Variants in ADAM28 observed in about 807,000 individuals in gnomAD.
The protein encoded by ADAM28 is ADAM metallopeptidase domain 28.
A neutral mutation model predicts 101.2 loss-of-function variants in ADAM28; 105 were observed. The observed-to-expected ratio is 1.04, with a 90% confidence interval of 0.89 to 1.22. ADAM28 has a LOEUF of 1.22. ADAM28 is among the 50% of genes most tolerant of loss of function. The pLI is 0.00. For missense variants in ADAM28, 1,028 were observed against 945.4 expected, an observed-to-expected ratio of 1.09 and a Z score of -1.15; for synonymous variants, 322 against 310.6, an observed-to-expected ratio of 1.04 and a Z score of -0.39.
Position 24,349,889 on chromosome 8 carries a change from G to T in ADAM28, c.2016G>T (p.Leu672=). 1.9e-6 allele frequency: 3 copies of T among 1,613,686 alleles called. No homozygotes were observed. The highest frequency in any genetic ancestry group is 2.5e-6 in the Non-Finnish European group (3 of 1,179,730). Residue 672 remains leucine (L), a synonymous_variant, in exon 19 of 23, where the codon CTG becomes CTT. Coordinates refer to ENST00000265769, the MANE Select transcript of ADAM28 (RefSeq NM_014265.6). ...VFHFSIVVGV[L]FPMAVIFVVV... ...ACTTCTCCATTGTGGTTGGGGTGCT[G>T]TTCCCAATGGCGGTCATTTTTGTGG...
rs1460085059 is a variant in ADAM28 at position 24,350,107 on chromosome 8, T to C, written c.2099+135T>C. 7.1e-6 allele frequency: 5 copies of C among 700,272 alleles called. No homozygotes were observed. The African/African-American group carries it at 9.0e-5, about 13-fold the overall frequency. 43.4% of individuals were successfully genotyped at this position (700,272 alleles called of 1,614,324 possible). A position where few individuals can be genotyped will look rare whatever the true frequency, so the allele number is the denominator to read the frequency against. ...TTCAGAAATACATGCAGATGGTCTT[T>C]TTGGACGAGAAACTGGGTTTCCCTT... On this transcript the variant is annotated intron_variant, in intron 19 of 22. Coordinates refer to ENST00000265769, the MANE Select transcript of ADAM28 (RefSeq NM_014265.6).
chr8:24,300,150 A>T, intron 2 of ADAM28, 73 bp downstream of exon 2: 1 of 1,224,684 alleles, frequency 8.2e-7, no homozygotes, highest in Non-Finnish European at 1.2e-6. Context: ...TCTATCTATG[A>T]TGAGAGATAG....
intron 10 of ADAM28, among the ~76,000 whole-genome samples, chr8:24,328,899 C>T (rs1367662384): frequency 6.7e-6 from 1 of 148,534 alleles, no homozygotes; most frequent in East Asian, 2.0e-4. Context: ...CCAGTTTGGG[C>T]AACAAGAGTG....
At chr8:24,337,044 T>A (rs1814181012) in intron 14 of ADAM28, among the ~76,000 whole-genome samples, 1 of 152,166 alleles carries the variant, frequency 6.6e-6, no homozygotes, top group Admixed American at 6.5e-5. Context: ...TAACTTGCAA[T>A]GCACTGTGAA....
rs1393674436 is a variant in ADAM28 at position 24,334,712 on chromosome 8, A to G, written c.1372-734A>G. On this transcript the variant is annotated intron_variant, in intron 13 of 22. Coordinates refer to ENST00000265769, the MANE Select transcript of ADAM28 (RefSeq NM_014265.6). ...CACTGGTATTAAGATATTTAAAGTT[A>G]TTTGACGCATTGAAAACATACCTGC... 2.6e-5 allele frequency among the ~76,000 whole-genome samples: 4 copies of G among 152,318 alleles called. No individual in the cohort carries two copies. The East Asian group carries it at 7.7e-4, about 29-fold the overall frequency.
chr8:24,340,292 G>A (rs892101089), intron 15 of ADAM28, among the ~76,000 whole-genome samples: 1 of 152,136 alleles, frequency 6.6e-6, no homozygotes, highest in Non-Finnish European at 1.5e-5. Flanking sequence ...TATTGGACAC[G>A]AATTTCTCTG....
intron 8 of ADAM28, 24 bp downstream of exon 8, chr8:24,321,313 A>C (rs1286526655): frequency 3.3e-6 from 5 of 1,526,396 alleles, no homozygotes; most frequent in Non-Finnish European, 9.1e-7. Context: ...TATTACCTGC[A>C]GTTTTAAACA....
intron 1 of ADAM28, 75 bp from the exon 2 acceptor site, chr8:24,299,899 C>A: frequency 9.8e-7 from 1 of 1,024,968 alleles, no homozygotes; most frequent in Non-Finnish European, 1.5e-6. Flanking sequence ...ATTGGGAATG[C>A]AGTAAGGATG....
chr8:24,353,646 T>G (rs1816429705), intron 21 of ADAM28, 124 bp from the exon 22 acceptor site: 1 of 717,966 alleles, frequency 1.4e-6, no homozygotes, highest in African/African-American at 1.8e-5. Flanking sequence ...ACCTTGAAAG[T>G]TGGGTAGAAT....
rs1481142581 is a variant in ADAM28, at chr8:24,354,631, TAAGAAGGAAGATGA to T, written c.*228_*241del. 2.5e-6 allele frequency: 1 copy of T among 407,710 alleles called. No individual in the cohort carries two copies. Among genetic ancestry groups the T allele is most frequent in the East Asian group, 4.4e-5 (1 of 22,934 alleles). The allele number at this position is 407,710 out of a possible 1,614,324, so 25.3% of individuals were successfully genotyped here. On this transcript the variant is annotated 3_prime_UTR_variant, in exon 23 of 23. Transcript: ENST00000265769. ...TTAAAATTTCAATTATCCATTCTTA[TAAGAAGGAAGATGA>T]TTGTAAAGAAATATCTCCGAAGTTA...
At chr8:24,351,847 A>T in intron 20 of ADAM28, 140 bp from the exon 21 acceptor site, 1 of 696,122 alleles carries the variant, frequency 1.4e-6, no homozygotes, top group Non-Finnish European at 2.4e-6. Context: ...CAGCAGGACC[A>T]CTGTGATTTT....
At chr8:24,354,325 A>G (rs1365363923) in intron 22 of ADAM28, 59 bp from the exon 23 acceptor site, 2 of 1,395,646 alleles carry the variant, frequency 1.4e-6, no homozygotes, top group Non-Finnish European at 2.0e-6. Context: ...CAGCTTCATA[A>G]TAGTAAATAT....
At chr8:24,298,002 T>G (rs536956839) in intron 1 of ADAM28, among the ~76,000 whole-genome samples, 3 of 152,300 alleles carry the variant, frequency 2.0e-5, no homozygotes, top group Admixed American at 2.0e-4. Flanking sequence ...GTTCTTGAAG[T>G]GTGACAATGT....
At chr8:24,300,196 G>A (rs935397461) in intron 2 of ADAM28, 119 bp downstream of exon 2, 3 of 670,748 alleles carry the variant, frequency 4.5e-6, no homozygotes, top group Non-Finnish European at 7.0e-6. Flanking sequence ...ATATATGTGT[G>A]TGTGTGTATG....
chr8:24,331,637 C>G (rs1813379076), intron 12 of ADAM28, among the ~76,000 whole-genome samples: 1 of 152,072 alleles, frequency 6.6e-6, no homozygotes, highest in East Asian at 1.9e-4. Context: ...GTGACTATGA[C>G]TTACCCAGTA....
intron 16 of ADAM28, 133 bp downstream of exon 16, chr8:24,341,890 C>A (rs1429391153): frequency 4.5e-5 from 48 of 1,057,688 alleles, no homozygotes; most frequent in Non-Finnish European, 6.1e-5. Context: ...ATAGAACCCA[C>A]AGAGTTTGAA....
At chr8:24,310,544 A>AGT (rs1810316325) in intron 4 of ADAM28, among the ~76,000 whole-genome samples, 2 of 146,870 alleles carry the variant, frequency 1.4e-5, no homozygotes, top group African/African-American at 4.9e-5. Context: ...GTTCTCAATC[A>AGT]ATTTCTATCA....
chr8:24,339,461 C>A lies in ADAM28; in HGVS notation c.1568-5C>A. 1 of 1,607,756 alleles carries A rather than the reference C, an allele frequency of 6.2e-7. No individual in the cohort carries two copies. Among genetic ancestry groups the A allele is most frequent in the South Asian group, 1.1e-5 (1 of 90,348 alleles). ...CTTTTCCCTGCTGACTGATCCTGGTCCCAGGAACTGAGGTTGCAGATAAGT... is the reference window on the plus strand; with the variant it reads ...CTTTTCCCTGCTGACTGATCCTGGTACCAGGAACTGAGGTTGCAGATAAGT... On this transcript the variant is annotated splice_region_variant and splice_polypyrimidine_tract_variant and intron_variant, in intron 14 of 22. Transcript: ENST00000265769.
chr8:24,302,508 A>T (rs934271782), intron 2 of ADAM28, among the ~76,000 whole-genome samples: 1 of 152,230 alleles, frequency 6.6e-6, no homozygotes, highest in African/African-American at 2.4e-5. Flanking sequence ...TCTTTGAGGA[A>T]TTGCCACACC....
Sources: gnomAD v4.1 joint callset for allele counts (sites outside exome capture counted in the v4.1 genomes callset) on GRCh38, gnomAD v4.1.1 for gene constraint, MANE v1.5 for transcripts, NCBI Gene and HGNC (gene_info 2026-07-23, HGNC 2026-07-21) for gene names.